Variants in AFF1 observed in about 807,000 individuals in gnomAD.
The protein encoded by AFF1 is ALF transcription elongation factor 1, also known as AF4/FMR2 family member 1.
AFF1 carries 48 observed loss-of-function variants against 121.7 expected under a neutral mutation model. The observed-to-expected ratio is 0.39, with a 90% CI of 0.31 to 0.50. The LOEUF (loss-of-function observed/expected upper bound fraction) is 0.50, where lower values mean the gene tolerates loss of function less well. Among genes scored for constraint, AFF1 ranks in the 20% least tolerant of loss-of-function variants. The probability of loss-of-function intolerance (pLI) is 0.76; values close to 1 mark genes in which losing one functional copy is unlikely to be tolerated. For missense variants in AFF1, 1,523 were observed against 1,511.7 expected (o/e 1.01, Z -0.12); for synonymous variants, 613 against 563.0 (o/e 1.09, Z -1.26).
chr4:87,021,615 T>A (rs561240907), intron 2 of AFF1, among the ~76,000 whole-genome samples: 61 of 152,348 alleles, frequency 4.0e-4, no homozygotes, highest in Middle Eastern at 3.4e-3. Flanking sequence ...CTCTTTAGAA[T>A]CTTTTTTTGT....
intron 2 of AFF1, among the ~76,000 whole-genome samples, chr4:87,010,992 T>TG (rs1726684753): frequency 7.0e-6 from 1 of 142,998 alleles, no homozygotes; most frequent in South Asian, 2.2e-4. Flanking sequence ...GGCAGGAGAA[T>TG]GGCGTGAACC....
chr4:87,131,088 C>T lies in AFF1; in HGVS notation c.2970C>T (p.Asp990=), dbSNP rs1728784751. 3 of 1,613,778 alleles carry T rather than the reference C, an allele frequency of 1.9e-6. No individual in the cohort carries two copies. Among genetic ancestry groups the T allele is most frequent in the Non-Finnish European group, 2.5e-6 (3 of 1,179,944 alleles). Residue 990 remains aspartate (D), a synonymous_variant, in exon 17 of 21, where the codon GAC becomes GAT. Transcript: ENST00000395146. Reference sequence around the variant, plus strand: ...ACCATGTTCTTCTCCTGCAGACGGACAGGGTTGGAAAGGCTTTTAAGTACC... The same window carrying T: ...ACCATGTTCTTCTCCTGCAGACGGATAGGGTTGGAAAGGCTTTTAAGTACC... ...KMKQKAELMT[D]RVGKAFKYLE...
chr4:87,064,420 A>G (rs1265238177), intron 4 of AFF1, among the ~76,000 whole-genome samples: 1 of 152,212 alleles, frequency 6.6e-6, no homozygotes, highest in Non-Finnish European at 1.5e-5. Context: ...TGGTTCACAT[A>G]GTATTGATGA....
intron 4 of AFF1, among the ~76,000 whole-genome samples, chr4:87,061,486 G>T (rs1165954933): frequency 6.6e-6 from 1 of 152,226 alleles, no homozygotes; most frequent in Non-Finnish European, 1.5e-5. Flanking sequence ...CAACACTGGG[G>T]CGTGGCTGCC....
chr4:87,081,151 A>AGTT (rs1560606159), intron 4 of AFF1, among the ~76,000 whole-genome samples: 6 of 101,664 alleles, frequency 5.9e-5, no homozygotes, highest in Non-Finnish European at 5.7e-5. Flanking sequence ...TAATGAAATG[A>AGTT]ATTTTTTTTT....
chr4:87,071,609 A>G (rs1191839249), intron 4 of AFF1, among the ~76,000 whole-genome samples: 1 of 152,144 alleles, frequency 6.6e-6, no homozygotes, highest in Non-Finnish European at 1.5e-5. Flanking sequence ...TTGTTCTCCC[A>G]TGGGCTGTGT....
intron 4 of AFF1, among the ~76,000 whole-genome samples, chr4:87,057,454 C>T (rs529015009): frequency 5.9e-5 from 9 of 152,282 alleles, no homozygotes; most frequent in Admixed American, 2.0e-4. Context: ...CCAGTTTATT[C>T]GTCTGTAAGT....
intron 2 of AFF1, among the ~76,000 whole-genome samples, chr4:87,032,660 A>G (rs1022621887): frequency 6.6e-6 from 1 of 152,200 alleles, no homozygotes; most frequent in African/African-American, 2.4e-5. Context: ...CCTGTTTAAA[A>G]TGTAATTGAC....
chr4:87,078,471 G>A (rs1037301854), intron 4 of AFF1, among the ~76,000 whole-genome samples: 1 of 152,136 alleles, frequency 6.6e-6, no homozygotes, highest in Non-Finnish European at 1.5e-5. Flanking sequence ...TTATCTAGAG[G>A]GAGTAGAGAG....
Position 87,114,463 on chromosome 4 carries a change from C to A in AFF1, c.1630C>A (p.Pro544Thr). ...ACCAGAGGGCCCCAGGAGCACAGAG[C>A]CCCCACGGCGGCACCCAGAGAGTAA... ...APPEGPRSTE[P>T]PRRHPESKGS... is the part of the protein sequence containing the mutation. Residue 544 changes from proline (P) to threonine (T), a missense_variant, in exon 12 of 21, where the codon CCC (proline) becomes ACC (threonine). By Grantham distance (38) the Pro-to-Thr change is conservative. Coordinates refer to ENST00000395146, the MANE Select transcript of AFF1 (RefSeq NM_001166693.3). The A allele has an allele frequency of 6.2e-7, 1 of 1,613,748 alleles. No homozygotes were observed. The highest frequency in any genetic ancestry group is 8.5e-7 in the Non-Finnish European group (1 of 1,179,978).
intron 2 of AFF1, among the ~76,000 whole-genome samples, chr4:87,022,557 T>TACAC (rs1168866003): frequency 0.074 from 4,050 of 54,770 alleles, 159 homozygotes; most frequent in African/African-American, 0.15. Context: ...TATATATATA[T>TACAC]ATATATATAT....
At chr4:87,087,533 G>T (rs981100283) in intron 5 of AFF1, among the ~76,000 whole-genome samples, 7 of 152,046 alleles carry the variant, frequency 4.6e-5, no homozygotes, top group Non-Finnish European at 8.8e-5. Flanking sequence ...CCAGTGATTT[G>T]TCTCTGTTCA....
At chr4:87,088,290 T>C (rs958346843) in intron 5 of AFF1, among the ~76,000 whole-genome samples, 7 of 152,228 alleles carry the variant, frequency 4.6e-5, no homozygotes, top group African/African-American at 1.7e-4. Context: ...GAGTTCACTT[T>C]TAACAAAAAT....
chr4:87,079,259 A>C lies in AFF1; in HGVS notation c.1060-4861A>C, dbSNP rs1175763618. On this transcript the variant is annotated intron_variant, in intron 4 of 20. Transcript: ENST00000395146. Reference sequence around the variant, plus strand: ...AATATTGCAAGAGCCTCCCAGTCTCAGTGGCATGTTTCTTCAGCCAGCTCT... The same window carrying C: ...AATATTGCAAGAGCCTCCCAGTCTCCGTGGCATGTTTCTTCAGCCAGCTCT... 2.0e-5 allele frequency among the ~76,000 whole-genome samples: 3 copies of C among 152,354 alleles called. No individual in the cohort carries two copies. In the East Asian group the frequency reaches 5.8e-4, roughly 29 times the overall value.
intron 2 of AFF1, among the ~76,000 whole-genome samples, chr4:87,037,268 A>G (rs528265711): frequency 5.0e-4 from 76 of 152,282 alleles, no homozygotes; most frequent in African/African-American, 1.7e-3. Flanking sequence ...CCCAAACCAC[A>G]TCACCACTTA....
At chr4:87,027,200 T>G (rs1301795110) in intron 2 of AFF1, among the ~76,000 whole-genome samples, 1 of 152,242 alleles carries the variant, frequency 6.6e-6, no homozygotes, top group Middle Eastern at 3.2e-3. Flanking sequence ...ATCTGAAACT[T>G]ACTTCTACAA....
intron 2 of AFF1, among the ~76,000 whole-genome samples, chr4:86,975,126 G>A (rs1032550115): frequency 4.6e-5 from 7 of 152,008 alleles, no homozygotes; most frequent in African/African-American, 7.3e-5. Flanking sequence ...TACAACCTCA[G>A]TTTTTGCTCC....
intron 2 of AFF1, among the ~76,000 whole-genome samples, chr4:87,014,241 G>A (rs745386782): frequency 6.6e-5 from 10 of 152,024 alleles, no homozygotes; most frequent in Non-Finnish European, 1.2e-4. Flanking sequence ...TTTTCCATGC[G>A]TTGTGGGCTC....
At chr4:87,051,623 G>A (rs555642327) in intron 4 of AFF1, among the ~76,000 whole-genome samples, 1 of 151,982 alleles carries the variant, frequency 6.6e-6, no homozygotes, top group South Asian at 2.1e-4. Context: ...ACCATGCCCG[G>A]CTAATTTTTT....
Sources: gnomAD v4.1 joint callset for allele counts (sites outside exome capture counted in the v4.1 genomes callset) on GRCh38, gnomAD v4.1.1 for gene constraint, MANE v1.5 for transcripts, NCBI Gene and HGNC (gene_info 2026-07-23, HGNC 2026-07-21) for gene names.